Variants in NRXN2 observed in about 807,000 individuals in gnomAD.
NRXN2 encodes the protein neurexin-2-beta.
Under a neutral mutation model 128.8 loss-of-function variants are expected in NRXN2, and 29 were observed. The observed-to-expected ratio is 0.23, with a 90% confidence interval of 0.17 to 0.31. The LOEUF is 0.31. Ranked by LOEUF, NRXN2 falls within the 10% of genes least tolerant of loss-of-function variation. The pLI, the probability that NRXN2 is intolerant of heterozygous loss-of-function variation, is 1.00. For missense variants in NRXN2, 1,881 were observed against 2,452.6 expected, an observed-to-expected ratio of 0.77 and a Z score of 4.92; for synonymous variants, 1,098 against 1,075.2, an observed-to-expected ratio of 1.02 and a Z score of -0.41.
At chr11:64,721,990 G>C (rs1347134044) in intron 1 of NRXN2, among the ~76,000 whole-genome samples, 1 of 152,018 alleles carries the variant, frequency 6.6e-6, no homozygotes, top group African/African-American at 2.4e-5. Context: ...GATTCAGGAG[G>C]GGGGTGAGAG....
At chr11:64,640,513 G>A (rs1332884262) in intron 17 of NRXN2, among the ~76,000 whole-genome samples, 2 of 152,100 alleles carry the variant, frequency 1.3e-5, no homozygotes, top group Admixed American at 1.3e-4. Context: ...GAGCCAGAAG[G>A]AGACAATGAA....
chr11:64,705,994 A>G lies in NRXN2; in HGVS notation c.730+6976T>C, dbSNP rs577017826. Among the ~76,000 whole-genome samples the G allele has an allele frequency of 6.0e-5, 8 of 133,358 alleles. No individual in the cohort carries two copies. The South Asian group carries it at 6.7e-4, about 11-fold the overall frequency. 87.5% of individuals were successfully genotyped at this position (133,358 alleles called of 152,430 possible). ...TATCTCTTGTGTGACCTATCTCCCAATTGATTTCTTCACTACATAACTCTA... is the reference window on the plus strand; with the variant it reads ...TATCTCTTGTGTGACCTATCTCCCAGTTGATTTCTTCACTACATAACTCTA... On this transcript the variant is annotated intron_variant, in intron 2 of 22. Transcript: ENST00000265459.
At chr11:64,704,115 G>C (rs1407179906) in intron 2 of NRXN2, among the ~76,000 whole-genome samples, 1 of 152,094 alleles carries the variant, frequency 6.6e-6, no homozygotes, top group Non-Finnish European at 1.5e-5. Context: ...CACAGAAACT[G>C]TCAGGACCAC....
In NRXN2 at chr11:64,713,006, T is replaced by C. The variant is rs1383006922; in HGVS notation, c.694A>G (p.Ser232Gly). ...AACTTGCCGCCGAAGCCCGTGTGGC[T>C]GCAGTCGCAGCCCACCTCGCCGGGG... ...LAPGEVGCDC[S>G]HTGFGGKFCS... Residue 232 changes from serine (S) to glycine (G), a missense_variant, in exon 2 of 23, where the codon AGC (serine) becomes GGC (glycine). By Grantham distance (56) the Ser-to-Gly change is moderately conservative. Transcript: ENST00000265459. 1.7e-5 allele frequency: 25 copies of C among 1,489,308 alleles called. No individual in the cohort carries two copies. The highest frequency in any genetic ancestry group is 2.0e-5 in the Non-Finnish European group (23 of 1,124,026). 92.3% of individuals were successfully genotyped at this position (1,489,308 alleles called of 1,614,324 possible).
intron 2 of NRXN2, among the ~76,000 whole-genome samples, chr11:64,708,086 G>A (rs1448364707): frequency 2.0e-5 from 3 of 146,656 alleles, no homozygotes; most frequent in Non-Finnish European, 4.5e-5. Context: ...CAACAGGAGC[G>A]AAACTCCGTC....
At position 64,667,181 on chromosome 11, in the gene NRXN2, C is replaced by G. The variant is rs556702028; in HGVS notation, c.1798+69G>C. The stretch of plus-strand genomic sequence containing the variant: ...GTAGAAGAGACCCGCTGAAGAGAGA[C>G]GGAGAGGATGTCAGGGCAGATGGAA... On this transcript the variant is annotated intron_variant, in intron 9 of 22. Transcript: ENST00000265459. The surrounding 1 kb of genome is among the most constrained non-coding windows in gnomAD (Gnocchi z 5.6). 17 of 1,500,472 alleles carry G rather than the reference C, an allele frequency of 1.1e-5. No individual in the cohort carries two copies. In the African/African-American group the frequency reaches 1.5e-4, roughly 13 times the overall value. 92.9% of individuals were successfully genotyped at this position (1,500,472 alleles called of 1,614,324 possible).
rs997072766 is a variant in NRXN2 at position 64,644,618 on chromosome 11, C to G, written c.3403+3601G>C. On this transcript the variant is annotated intron_variant, in intron 17 of 22. Transcript: ENST00000265459. Reference sequence around the variant, plus strand: ...AGAGACTCCTTTCCCGTCACCGGGTCGTATGCACCAACCTGCTCGGACAGG... The same window carrying G: ...AGAGACTCCTTTCCCGTCACCGGGTGGTATGCACCAACCTGCTCGGACAGG... 3.3e-5 allele frequency among the ~76,000 whole-genome samples: 5 copies of G among 152,186 alleles called. No individual in the cohort carries two copies. The East Asian group carries it at 5.8e-4, about 18-fold the overall frequency.
At chr11:64,642,205 G>C (rs557843714) in intron 17 of NRXN2, among the ~76,000 whole-genome samples, 2 of 152,048 alleles carry the variant, frequency 1.3e-5, no homozygotes, top group East Asian at 3.9e-4. Context: ...AGAGCTGCAC[G>C]GAGAGGATGA....
chr11:64,690,611 A>C, intron 4 of NRXN2, 135 bp from the exon 5 acceptor site: 1 of 771,310 alleles, frequency 1.3e-6, no homozygotes. Flanking sequence ...TTTTCTGGGG[A>C]CTCCCTTGCC....
Position 64,713,716 on chromosome 11 carries a change from G to A in NRXN2, c.-17C>T. ...GGACGCCATGCCTACGGCGGCCCCG[G>A]CCCCGCCCGGCCCCCGGCCCCCGCT... On this transcript the variant is annotated 5_prime_UTR_variant, in exon 2 of 23. Coordinates refer to ENST00000265459, the MANE Select transcript of NRXN2 (RefSeq NM_015080.4). The A allele has an allele frequency of 9.5e-7, 1 of 1,049,212 alleles. No homozygotes were observed. The highest frequency in any genetic ancestry group is 4.4e-5 in the South Asian group (1 of 22,688). 65.0% of individuals were successfully genotyped at this position (1,049,212 alleles called of 1,614,324 possible).
At chr11:64,654,072 G>C (rs2047905264) in intron 11 of NRXN2, among the ~76,000 whole-genome samples, 1 of 152,182 alleles carries the variant, frequency 6.6e-6, no homozygotes, top group East Asian at 1.9e-4. Flanking sequence ...GGGGCCGAGG[G>C]CTTGACCAAC....
At chr11:64,642,387 A>G (rs959756003) in intron 17 of NRXN2, 8 of 1,134,562 alleles carry the variant, frequency 7.1e-6, no homozygotes, top group Non-Finnish European at 9.6e-6. Context: ...GGAGCTGGAG[A>G]TTGGAGGTGA....
chr11:64,687,949 G>GA (rs2053287240), intron 5 of NRXN2, among the ~76,000 whole-genome samples: 1 of 152,110 alleles, frequency 6.6e-6, no homozygotes, highest in Non-Finnish European at 1.5e-5. Context: ...TCAAGGACCA[G>GA]AAAAAGGAAT....
chr11:64,652,228 C>T (rs1447749782), intron 12 of NRXN2, 74 bp from the exon 13 acceptor site: 2 of 1,533,786 alleles, frequency 1.3e-6, no homozygotes, highest in South Asian at 2.4e-5. Context: ...ACCTTGGATA[C>T]ACAGACAGCC....
At chr11:64,613,447 A>G (rs1345071127) in intron 22 of NRXN2, among the ~76,000 whole-genome samples, 1 of 152,162 alleles carries the variant, frequency 6.6e-6, no homozygotes. Flanking sequence ...GCAAGACTAC[A>G]TTTCCTGACA....
intron 6 of NRXN2, among the ~76,000 whole-genome samples, chr11:64,678,844 G>A (rs2051739031): frequency 6.6e-6 from 1 of 152,166 alleles, no homozygotes; most frequent in African/African-American, 2.4e-5. Context: ...ATTAGTTAGA[G>A]AGCTGTTATA....
chr11:64,704,623 C>CACACACACACACACAGAG (rs1336665936), intron 2 of NRXN2, among the ~76,000 whole-genome samples: 1 of 81,178 alleles, frequency 1.2e-5, no homozygotes, highest in African/African-American at 4.7e-5. Context: ...CACACACACA[C>CACACACACACACACAGAG]AGAGAGAGAG....
intron 17 of NRXN2, among the ~76,000 whole-genome samples, chr11:64,645,973 AG>A (rs949943473): frequency 3.8e-4 from 58 of 152,136 alleles, no homozygotes; most frequent in Non-Finnish European, 1.0e-4. Context: ...TGTACATCAC[AG>A]GGCCCCAAGA....
At chr11:64,692,451 T>G (rs982353487) in intron 4 of NRXN2, among the ~76,000 whole-genome samples, 1 of 151,400 alleles carries the variant, frequency 6.6e-6, no homozygotes, top group Non-Finnish European at 1.5e-5. Flanking sequence ...GAAAGAATGA[T>G]CAGAATGAGT....
Sources: allele counts gnomAD v4.1 joint callset (sites outside exome capture counted in the v4.1 genomes callset), GRCh38; gene constraint gnomAD v4.1.1; non-coding constraint Gnocchi (gnomAD v3.1); transcripts MANE v1.5; gene names NCBI Gene and HGNC (gene_info 2026-07-23, HGNC 2026-07-21).